CTSD: variants seen among roughly 807,000 people sequenced by gnomAD.
CTSD encodes the protein ceroid-lipofuscinosis, neuronal 10.
In CTSD, 28 loss-of-function variants were observed where a neutral mutation model predicts 43.6. The ratio of observed to expected loss-of-function variants is 0.64; its 90% CI spans 0.48 to 0.88. The LOEUF is 0.88. Among genes scored for constraint, CTSD ranks in the 40% least tolerant of loss-of-function variants. The probability of loss-of-function intolerance (pLI) is 0.00; values close to 1 mark genes in which losing one functional copy is unlikely to be tolerated. For synonymous variants in CTSD, 270 were observed against 249.8 expected (o/e 1.08, Z -0.76); for missense variants, 485 against 555.2 (o/e 0.87, Z 1.27).
intron 4 of CTSD, among the ~76,000 whole-genome samples, chr11:1,758,261 C>T (rs1845833299): frequency 6.6e-6 from 1 of 152,154 alleles, no homozygotes; most frequent in East Asian, 1.9e-4. Context: ...TCCCGGGTCC[C>T]TGGGCCTGCA....
At chr11:1,754,364 A>T in intron 6 of CTSD, 12 of 442,830 alleles carry the variant, frequency 2.7e-5, no homozygotes, top group Non-Finnish European at 3.7e-5. Flanking sequence ...GCATGGAGGG[A>T]TGGAGGGGAT....
At chr11:1,757,897 G>C (rs1845829371) in intron 4 of CTSD, 2 of 400,206 alleles carry the variant, frequency 5.0e-6, no homozygotes, top group Admixed American at 7.5e-5. Context: ...CTCAGCGCTG[G>C]GAACAAGACA....
intron 5 of CTSD, among the ~76,000 whole-genome samples, chr11:1,756,862 G>A (rs949831374): frequency 1.3e-5 from 2 of 152,298 alleles, no homozygotes; most frequent in South Asian, 2.1e-4. Context: ...GCGTGGTGCC[G>A]GGGACCCATA....
At chr11:1,754,176 G>A (rs987533361) in intron 6 of CTSD, 38 bp from the exon 7 acceptor site, 2 of 1,596,312 alleles carry the variant, frequency 1.3e-6, no homozygotes, top group Non-Finnish European at 8.5e-7. Flanking sequence ...TGCCGGGACT[G>A]GAGTGTGCCC....
chr11:1,753,508 G>A lies in CTSD; in HGVS notation c.1234C>T (p.Leu412Phe), dbSNP rs1412753935. Residue 412 changes from leucine to phenylalanine, a missense_variant, in exon 9 of 9, where the codon CTC (leucine) becomes TTC (phenylalanine). Physicochemically the swap from Leu to Phe is conservative, Grantham distance 22. Transcript: ENST00000236671. Reference sequence around the variant, plus strand: ...GCGCGCGGACGCCTTGGGAACTAGAGGCGGGCAGCCTCGGCGAAGCCCACC... The same window carrying A: ...GCGCGCGGACGCCTTGGGAACTAGAAGCGGGCAGCCTCGGCGAAGCCCACC... ...NRVGFAEAARL is the reference protein window; with the variant it reads ...NRVGFAEAARF 6.2e-7 allele frequency: 1 copy of A among 1,612,970 alleles called. No individual in the cohort carries two copies.
chr11:1,755,412 AG>A, intron 5 of CTSD: 1 of 347,408 alleles, frequency 2.9e-6, no homozygotes, highest in Non-Finnish European at 5.6e-6. Context: ...GGCTTCCAGG[AG>A]GGAGTGATGG....
rs55725229 is a variant in CTSD at position 1,754,794 on chromosome 11, TC to T, written c.827+111del. ...TGACCCCATCTCTTTCTTGCCCAGC[TC>T]CCACTACTCCCCACATGCAACCCCC... On this transcript the variant is annotated intron_variant, in intron 6 of 8. Transcript: ENST00000236671. The T allele has an allele frequency of 1, 1,465,333 of 1,465,334 alleles. 732,666 individuals carry two copies. The highest frequency in any genetic ancestry group is 1 in the Non-Finnish European group (1,057,314 of 1,057,314). 90.8% of individuals were successfully genotyped at this position (1,465,334 alleles called of 1,614,324 possible).
chr11:1,761,096 T>C, intron 2 of CTSD: 1 of 607,842 alleles, frequency 1.6e-6, no homozygotes, highest in Admixed American at 2.5e-5. Context: ...TCCCAGGCCC[T>C]AGCAGGACCA....
Position 1,753,466 on chromosome 11 carries a change from C to T in CTSD, c.*37G>A, listed in dbSNP as rs755481936. 6.2e-7 allele frequency: 1 copy of T among 1,612,330 alleles called. No homozygotes were observed. The highest frequency in any genetic ancestry group is 1.1e-5 in the South Asian group (1 of 91,048). On this transcript the variant is annotated 3_prime_UTR_variant, in exon 9 of 9. Coordinates refer to ENST00000236671, the MANE Select transcript of CTSD (RefSeq NM_001909.5). ...CAGGGGCCTCCTGCTCTGGGACTCT[C>T]CTCTGTTTCTGTGCTGGCGCGCGGA... is the stretch of plus-strand genomic sequence containing the variant.
chr11:1,759,468 T>A, intron 3 of CTSD, 48 bp downstream of exon 3: 1 of 1,610,630 alleles, frequency 6.2e-7, no homozygotes, highest in Non-Finnish European at 8.5e-7. Context: ...TGCAGCGACA[T>A]CCCGGAAGGG....
chr11:1,757,977 C>G, intron 4 of CTSD: 1 of 286,214 alleles, frequency 3.5e-6, no homozygotes, highest in South Asian at 3.4e-5. Context: ...CCATACTGCC[C>G]CCTTCCCCTT....
chr11:1,753,314 T>C lies in CTSD; in HGVS notation c.*189A>G, dbSNP rs1338455395. On this transcript the variant is annotated 3_prime_UTR_variant, in exon 9 of 9. Transcript: ENST00000236671. Reference sequence around the variant, plus strand: ...TGGAGAGACAGACAGGCAGGCAGCATTTCTGAACCCAGGGAGGGGAAAACC... The same window carrying C: ...TGGAGAGACAGACAGGCAGGCAGCACTTCTGAACCCAGGGAGGGGAAAACC... The C allele has an allele frequency of 7.4e-6, 5 of 671,988 alleles. No homozygotes were observed. The highest frequency in any genetic ancestry group is 1.3e-5 in the Non-Finnish European group (5 of 377,700). The allele number at this position is 671,988 out of a possible 1,614,324, so 41.6% of individuals were successfully genotyped here. A position where few individuals can be genotyped will look rare whatever the true frequency, so the allele number is the denominator to read the frequency against.
At chr11:1,754,586 G>A in intron 6 of CTSD, among the ~76,000 whole-genome samples, 1 of 129,054 alleles carries the variant, frequency 7.7e-6, no homozygotes, top group South Asian at 2.6e-4. Flanking sequence ...GGGTCATGAA[G>A]AGTCACAGAG....
Position 1,757,358 on chromosome 11 carries a change from C to T in CTSD, c.670G>A (p.Val224Met). Residue 224 changes from valine (V) to methionine (M), a missense_variant, in exon 5 of 9, where the codon GTG becomes ATG. Physicochemically the swap from Val to Met is conservative, Grantham distance 21 (BLOSUM62 1). Coordinates refer to ENST00000236671, the MANE Select transcript of CTSD (RefSeq NM_001909.5). ...VFDNLMQQKL[V>M]DQNIFSFYLS... ...TAGAAGGAGAAGATGTTCTGGTCCACCAGCTTCTGCTGCATCAGGTTGTCG... is the reference window on the plus strand; with the variant it reads ...TAGAAGGAGAAGATGTTCTGGTCCATCAGCTTCTGCTGCATCAGGTTGTCG... The T allele has an allele frequency of 6.2e-7, 1 of 1,614,088 alleles. No individual in the cohort carries two copies. Among genetic ancestry groups the T allele is most frequent in the South Asian group, 1.1e-5 (1 of 91,086 alleles).
At chr11:1,760,626 T>G (rs1202735032) in intron 2 of CTSD, 1 of 155,012 alleles carries the variant, frequency 6.5e-6, no homozygotes, top group East Asian at 1.9e-4. Context: ...AACTGGCCAG[T>G]CGGGACCAGG....
rs143631836 is a variant in CTSD, at chr11:1,753,681, C to T, written c.1072-11G>A. The T allele has an allele frequency of 1.2e-6, 2 of 1,612,546 alleles. No individual in the cohort carries two copies. Among genetic ancestry groups the T allele is most frequent in the Non-Finnish European group, 1.7e-6 (2 of 1,179,752 alleles). On this transcript the variant is annotated splice_polypyrimidine_tract_variant and intron_variant, in intron 8 of 8. Coordinates refer to ENST00000236671, the MANE Select transcript of CTSD (RefSeq NM_001909.5). ...CCCGGCCTGCGACACCTGGGACGGC[C>T]CTGGTGGTCAGTACCCAGGCCTAGC... is the stretch of plus-strand genomic sequence containing the variant.
At chr11:1,762,272 A>G (rs1428887368) in intron 1 of CTSD, 1 of 152,322 alleles carries the variant, frequency 6.6e-6, no homozygotes, top group African/African-American at 2.4e-5. Flanking sequence ...CACCCAGCAC[A>G]CCGCCAGCCA....
In CTSD at chr11:1,754,093, C is replaced by T. The variant is rs1480560365; in HGVS notation, c.873G>A (p.Glu291=). The T allele has an allele frequency of 2.4e-5, 39 of 1,611,394 alleles. No individual in the cohort carries two copies. Among genetic ancestry groups the T allele is most frequent in the Non-Finnish European group, 3.2e-5 (38 of 1,179,792 alleles). The change falls in exon 7 of 9, where the codon GAG becomes GAA. Residue 291 remains glutamate, a synonymous_variant. Coordinates refer to ENST00000236671, the MANE Select transcript of CTSD (RefSeq NM_001909.5). Reference sequence around the variant, plus strand: ...GGGAAGTGCCTGTGTCCACAATGGCCTCACAGCCCTCCTTGCACAGGGTCA... The same window carrying T: ...GGGAAGTGCCTGTGTCCACAATGGCTTCACAGCCCTCCTTGCACAGGGTCA... ...SGLTLCKEGC[E]AIVDTGTSLM... is the part of the protein sequence containing the mutation.
chr11:1,753,387 C>T lies in CTSD; in HGVS notation c.*116G>A. The T allele has an allele frequency of 2.3e-6, 3 of 1,332,704 alleles. No individual in the cohort carries two copies. The highest frequency in any genetic ancestry group is 1.9e-4 in the Middle Eastern group (1 of 5,242). 82.6% of individuals were successfully genotyped at this position (1,332,704 alleles called of 1,614,324 possible). A position where few individuals can be genotyped will look rare whatever the true frequency, so the allele number is the denominator to read the frequency against. On this transcript the variant is annotated 3_prime_UTR_variant, in exon 9 of 9. Transcript: ENST00000236671. The stretch of plus-strand genomic sequence containing the variant: ...GCTTGGGCCGCCGGCTTCCAGGGCG[C>T]CCAGGACAGTGGGCGGGCGAGTGTG...
Sources: gnomAD v4.1 joint callset for allele counts (sites outside exome capture counted in the v4.1 genomes callset) on GRCh38, gnomAD v4.1.1 for gene constraint, MANE v1.5 for transcripts, NCBI Gene and HGNC (gene_info 2026-07-23, HGNC 2026-07-21) for gene names.